The following GOPC variants were observed in gnomAD, a reference collection of about 807,000 sequenced individuals.
GOPC encodes Golgi-associated PDZ and coiled-coil motif-containing protein.
GOPC carries 32 observed loss-of-function variants against 51.2 expected under a neutral mutation model. The observed-to-expected ratio is 0.63, with a 90% CI of 0.47 to 0.84. GOPC has a LOEUF of 0.84. Among genes scored for constraint, GOPC ranks in the 40% least tolerant of loss-of-function variants. GOPC has a pLI of 0.00. For synonymous variants in GOPC, 190 were observed against 205.1 expected (o/e 0.93, Z 0.63); for missense variants, 441 against 555.5 (o/e 0.79, Z 2.07).
In GOPC at chr6:117,560,778, T is replaced by C. The variant is rs902291995; in HGVS notation, c.*2476A>G. The C allele has an allele frequency of 1.4e-5, 3 of 210,032 alleles. No individual in the cohort carries two copies. Among genetic ancestry groups the C allele is most frequent in the African/African-American group, 6.8e-5 (3 of 44,066 alleles). 13.0% of individuals were successfully genotyped at this position (210,032 alleles called of 1,614,324 possible). A position where few individuals can be genotyped will look rare whatever the true frequency, so the allele number is the denominator to read the frequency against. On this transcript the variant is annotated 3_prime_UTR_variant, in exon 9 of 9. Transcript: ENST00000368498. Reference sequence around the variant, plus strand: ...GCACACATACAACCCTCACATTTTATTAAAACGTTTTCTCAACCATTCTGT... The same window carrying C: ...GCACACATACAACCCTCACATTTTACTAAAACGTTTTCTCAACCATTCTGT...
intron 8 of GOPC, among the ~76,000 whole-genome samples, chr6:117,563,664 G>A (rs1554193595): frequency 6.6e-6 from 1 of 151,788 alleles, no homozygotes; most frequent in Non-Finnish European, 1.5e-5. Flanking sequence ...GGAGGTTGCA[G>A]TGAGCTGAGA....
intron 1 of GOPC, 51 bp downstream of exon 1, chr6:117,601,953 C>A: frequency 6.3e-7 from 1 of 1,590,234 alleles, no homozygotes; most frequent in South Asian, 1.1e-5. Flanking sequence ...CATCTGACGC[C>A]ACCGGGCAGC....
chr6:117,589,002 G>A (rs1198125523), intron 1 of GOPC, among the ~76,000 whole-genome samples: 3 of 152,032 alleles, frequency 2.0e-5, no homozygotes, highest in Non-Finnish European at 4.4e-5. Flanking sequence ...ATTGTCTTGG[G>A]CCACGCACAA....
intron 1 of GOPC, among the ~76,000 whole-genome samples, chr6:117,583,000 C>T (rs548200556): frequency 6.6e-6 from 1 of 152,126 alleles, no homozygotes; most frequent in Admixed American, 6.5e-5. Flanking sequence ...TGTAACATGC[C>T]CTCTGGAGCC....
chr6:117,594,647 A>G (rs1210619227), intron 1 of GOPC, among the ~76,000 whole-genome samples: 4 of 152,204 alleles, frequency 2.6e-5, no homozygotes, highest in Admixed American at 1.3e-4. Context: ...AAAACAGCCT[A>G]TTTAAAAACA....
intron 8 of GOPC, among the ~76,000 whole-genome samples, 182 bp from the exon 9 acceptor site, chr6:117,563,566 A>G (rs1288598750): frequency 6.6e-6 from 1 of 151,996 alleles, no homozygotes; most frequent in Non-Finnish European, 1.5e-5. Context: ...TATTAAAAAT[A>G]CAAAAATTCG....
rs970254836 is a variant in GOPC at position 117,602,304 on chromosome 6, C to T, written c.-16G>A. The T allele has an allele frequency of 3.2e-6, 5 of 1,572,594 alleles. No homozygotes were observed. The African/African-American group carries it at 4.1e-5, about 13-fold the overall frequency. On this transcript the variant is annotated 5_prime_UTR_variant, in exon 1 of 9. Transcript: ENST00000368498. ...CCGCCGACATGGCGCCGTCAAGGGCCTCTCCCGACTGCTGAAGACCCTCGC... is the reference window on the plus strand; with the variant it reads ...CCGCCGACATGGCGCCGTCAAGGGCTTCTCCCGACTGCTGAAGACCCTCGC...
intron 5 of GOPC, among the ~76,000 whole-genome samples, chr6:117,571,478 C>T (rs1779805491): frequency 6.6e-6 from 1 of 152,134 alleles, no homozygotes; most frequent in South Asian, 2.1e-4. Flanking sequence ...AAGCTGTTTT[C>T]CTACTCAGCA....
chr6:117,565,750 G>A (rs1194826623), intron 8 of GOPC, among the ~76,000 whole-genome samples: 1 of 152,154 alleles, frequency 6.6e-6, no homozygotes, highest in African/African-American at 2.4e-5. Context: ...ATTATCAGTT[G>A]TCTTTCCTGA....
intron 6 of GOPC, among the ~76,000 whole-genome samples, chr6:117,570,344 C>A (rs9688594): frequency 6.6e-6 from 1 of 151,708 alleles, no homozygotes; most frequent in African/African-American, 2.4e-5. Flanking sequence ...TTGCTCAGTG[C>A]CTAAGTATTA....
intron 1 of GOPC, among the ~76,000 whole-genome samples, 190 bp from the exon 2 acceptor site, chr6:117,579,254 C>T (rs1018124967): frequency 1.3e-5 from 2 of 152,050 alleles, no homozygotes; most frequent in Non-Finnish European, 2.9e-5. Flanking sequence ...TCAGATATTT[C>T]GGTAGCAAGA....
chr6:117,592,649 GC>G (rs1384254662), intron 1 of GOPC, among the ~76,000 whole-genome samples: 1 of 151,996 alleles, frequency 6.6e-6, no homozygotes, highest in Non-Finnish European at 1.5e-5. Context: ...TGGATTTAGG[GC>G]CCCCTCTAAT....
intron 6 of GOPC, among the ~76,000 whole-genome samples, chr6:117,570,651 T>TGCTTACTAAA (rs1779791022): frequency 6.6e-6 from 1 of 152,098 alleles, no homozygotes; most frequent in Admixed American, 6.6e-5. Flanking sequence ...TGTTAAACTA[T>TGCTTACTAAA]GCTTACTAAA....
intron 1 of GOPC, among the ~76,000 whole-genome samples, chr6:117,584,324 G>C (rs1233720493): frequency 6.6e-6 from 1 of 152,162 alleles, no homozygotes; most frequent in Non-Finnish European, 1.5e-5. Flanking sequence ...CAGATTGAGG[G>C]CTCTGTCCTA....
rs116182297 is a variant in GOPC, at chr6:117,575,699, G to T, written c.475-347C>A. Reference sequence around the variant, plus strand: ...TGAGAGTTAAATAAGGACCCCAATAGACATTTTAACTGTTATTTATAGATC... The same window carrying T: ...TGAGAGTTAAATAAGGACCCCAATATACATTTTAACTGTTATTTATAGATC... On this transcript the variant is annotated intron_variant, in intron 3 of 8. Transcript: ENST00000368498. Among the ~76,000 whole-genome samples the T allele has an allele frequency of 4.6e-3, 696 of 152,202 alleles. 2 individuals carry two copies. The highest frequency in any genetic ancestry group is 0.015 in the African/African-American group (631 of 41,512).
At position 117,563,392 on chromosome 6, in the gene GOPC, A is replaced by G. The variant is rs1779626508; in HGVS notation, c.1259-8T>C. On this transcript the variant is annotated splice_region_variant and splice_polypyrimidine_tract_variant and intron_variant, in intron 8 of 8. Coordinates refer to ENST00000368498, the MANE Select transcript of GOPC (RefSeq NM_020399.4). ...CTGCCTTCTTATTAAATCCTGAAAG[A>G]AAGGAGAAAAAAAAAGCAGACACTT... The G allele has an allele frequency of 6.2e-7, 1 of 1,611,942 alleles. No homozygotes were observed. The highest frequency in any genetic ancestry group is 1.1e-5 in the South Asian group (1 of 90,912).
intron 1 of GOPC, among the ~76,000 whole-genome samples, chr6:117,584,978 C>T (rs1459178063): frequency 1.3e-5 from 2 of 152,154 alleles, no homozygotes; most frequent in Non-Finnish European, 2.9e-5. Flanking sequence ...CCAGAAGATG[C>T]TGGCATCATG....
chr6:117,590,893 C>A (rs1358812509), intron 1 of GOPC, among the ~76,000 whole-genome samples: 2 of 152,132 alleles, frequency 1.3e-5, no homozygotes, highest in Non-Finnish European at 2.9e-5. Flanking sequence ...CACGCCGTTG[C>A]CCAGGCTGGA....
intron 2 of GOPC, among the ~76,000 whole-genome samples, chr6:117,578,379 C>T (rs1162947010): frequency 6.6e-6 from 1 of 152,082 alleles, no homozygotes; most frequent in African/African-American, 2.4e-5. Flanking sequence ...AATCCTTCTT[C>T]CTGCCTGAAA....
Sources: allele counts gnomAD v4.1 joint callset (sites outside exome capture counted in the v4.1 genomes callset), GRCh38; gene constraint gnomAD v4.1.1; transcripts MANE v1.5; gene names NCBI Gene and HGNC (gene_info 2026-07-23, HGNC 2026-07-21).